ZNF280C: variants seen among roughly 807,000 people sequenced by gnomAD.
ZNF280C encodes the protein suppressor of hairy wing homolog 3.
ZNF280C carries 14 observed loss-of-function variants against 53.6 expected under a neutral mutation model. The ratio of observed to expected loss-of-function variants is 0.26; its 90% CI spans 0.17 to 0.41. The LOEUF (loss-of-function observed/expected upper bound fraction) is 0.41. Among genes scored for constraint, ZNF280C ranks in the 10% least tolerant of loss-of-function variants. ZNF280C has a pLI of 1.00. For synonymous variants in ZNF280C, 203 were observed against 181.1 expected (o/e 1.12, Z -0.97); for missense variants, 416 against 547.1 (o/e 0.76, Z 2.39).
At chrX:130,225,334 T>C (rs1393582115) in intron 12 of ZNF280C, among the ~76,000 whole-genome samples, 2 of 110,628 alleles carry the variant, frequency 1.8e-5, no homozygotes, top group African/African-American at 6.6e-5. Flanking sequence ...CCACCAAGAA[T>C]AGTGTTTCCC....
chrX:130,252,647 G>A (rs2032527119), intron 2 of ZNF280C, among the ~76,000 whole-genome samples: 1 of 110,229 alleles, frequency 9.1e-6, no homozygotes, highest in South Asian at 3.9e-4. Flanking sequence ...TTGAACCCAG[G>A]AGGCGGAGGT....
intron 6 of ZNF280C, 56 bp from the exon 7 acceptor site, chrX:130,236,695 TGCTTATG>T: frequency 1.1e-6 from 1 of 896,672 alleles, no homozygotes; most frequent in Non-Finnish European, 1.5e-6. Flanking sequence ...TATGGAATAT[TGCTTATG>T]TAAAACTGCT....
intron 2 of ZNF280C, among the ~76,000 whole-genome samples, chrX:130,254,178 T>C: frequency 8.9e-6 from 1 of 112,027 alleles, no homozygotes; most frequent in Middle Eastern, 4.6e-3. Flanking sequence ...TCACTGATCA[T>C]TAGAGAAATG....
chrX:130,227,112 A>C (rs1209303155), intron 11 of ZNF280C, among the ~76,000 whole-genome samples: 4 of 111,508 alleles, frequency 3.6e-5, no homozygotes, highest in Non-Finnish European at 7.5e-5. Flanking sequence ...ATATTCCAAA[A>C]CACAGTAAGA....
intron 15 of ZNF280C, 71 bp from the exon 16 acceptor site, chrX:130,209,786 A>AT: frequency 1.2e-6 from 1 of 847,424 alleles, no homozygotes; most frequent in East Asian, 3.2e-5. Context: ...TTCTGACCAC[A>AT]TTTCAAGCCA....
Position 130,232,345 on chromosome X carries a change from G to C in ZNF280C, c.772-1618C>G, listed in dbSNP as rs1457377146. ...CATATATAAGCCTTTTTTATCCAAT[G>C]AGATGAAACTAATTTATTTATTGTA... On this transcript the variant is annotated intron_variant, in intron 8 of 18. Coordinates refer to ENST00000370978, the MANE Select transcript of ZNF280C (RefSeq NM_017666.5). 2.8e-5 allele frequency among the ~76,000 whole-genome samples: 3 copies of C among 107,213 alleles called. 1 individual carries two copies. In the Middle Eastern group the frequency reaches 0.013, roughly 456 times the overall value. The allele number at this position is 107,213 out of a possible 115,157, so 93.1% of individuals were successfully genotyped here. A position where few individuals can be genotyped will look rare whatever the true frequency, so the allele number is the denominator to read the frequency against.
At chrX:130,266,007 C>T (rs2032684584) in intron 1 of ZNF280C, among the ~76,000 whole-genome samples, 1 of 111,734 alleles carries the variant, frequency 8.9e-6, no homozygotes, top group Non-Finnish European at 1.9e-5. Context: ...CCCCAATGAG[C>T]TTTATGTTTA....
At chrX:130,235,441 G>A (rs1430053230) in intron 8 of ZNF280C, among the ~76,000 whole-genome samples, 1 of 112,219 alleles carries the variant, frequency 8.9e-6, no homozygotes, top group Non-Finnish European at 1.9e-5. Flanking sequence ...CTGAACTGGA[G>A]AGGCAAATGT....
At chrX:130,252,039 A>C (rs1480135900) in intron 2 of ZNF280C, among the ~76,000 whole-genome samples, 1 of 111,689 alleles carries the variant, frequency 9.0e-6, no homozygotes. Flanking sequence ...GCTTGAACCC[A>C]GGAGGTGGAG....
At chrX:130,229,168 A>T (rs759976787) in intron 9 of ZNF280C, 34 bp from the exon 10 acceptor site, 12 of 1,156,121 alleles carry the variant, frequency 1.0e-5, no homozygotes, top group Non-Finnish European at 1.4e-5. Context: ...GCAAAAATTC[A>T]GACTTATAAC....
At chrX:130,212,473 G>A (rs209229) in intron 15 of ZNF280C, among the ~76,000 whole-genome samples, 55,107 of 109,598 alleles carry the variant, frequency 0.5, 10,810 homozygotes, top group African/African-American at 0.72. Flanking sequence ...AAGTTGAGAA[G>A]AGTTCCAAAA....
chrX:130,237,714 CTT>C (rs1293953544), intron 6 of ZNF280C, among the ~76,000 whole-genome samples: 1 of 111,375 alleles, frequency 9.0e-6, no homozygotes, highest in Non-Finnish European at 1.9e-5. Flanking sequence ...GTGTTTCATT[CTT>C]TGAGATAAAA....
Position 130,243,763 on chromosome X carries a change from T to G in ZNF280C, c.244+37A>C, listed in dbSNP as rs750742293. On this transcript the variant is annotated intron_variant, in intron 4 of 18. Transcript: ENST00000370978. ...TATACAACCAATTATATCAAAATAT[T>G]TAACTTTAAAATTGAAATACTACAG... 6.0e-6 allele frequency: 7 copies of G among 1,172,206 alleles called. No individual in the cohort carries two copies. The East Asian group carries it at 1.9e-4, about 31-fold the overall frequency.
chrX:130,229,226 G>A, intron 9 of ZNF280C, 92 bp from the exon 10 acceptor site: 1 of 884,403 alleles, frequency 1.1e-6, no homozygotes, highest in Non-Finnish European at 1.6e-6. Context: ...TTTTTAAAAT[G>A]TAATTCTATG....
Position 130,204,704 on chromosome X carries a change from GCAAGT to G in ZNF280C, c.*268_*272del. 1 of 262,078 alleles carries G rather than the reference GCAAGT, an allele frequency of 3.8e-6. No homozygotes were observed. The highest frequency in any genetic ancestry group is 6.7e-6 in the Non-Finnish European group (1 of 149,932). The allele number at this position is 262,078 out of a possible 1,213,427, so 21.6% of individuals were successfully genotyped here. On this transcript the variant is annotated 3_prime_UTR_variant, in exon 19 of 19. Transcript: ENST00000370978. ...TTATCTGGAATGTAATATTCTGAAG[GCAAGT>G]CAAGTATAGCAGAGAAAAACAAAAG...
At chrX:130,223,577 G>A (rs1453200909) in intron 12 of ZNF280C, among the ~76,000 whole-genome samples, 1 of 111,952 alleles carries the variant, frequency 8.9e-6, no homozygotes, top group East Asian at 2.8e-4. Flanking sequence ...GGGTGGCTGT[G>A]AAGATTAAAC....
Position 130,215,386 on chromosome X carries a change from G to A in ZNF280C, c.1839-53C>T, listed in dbSNP as rs772211466. ...AAGAGATTATAAAACAAAAATAACA[G>A]GGGAAAATCTTATTAACATTTTATT... On this transcript the variant is annotated intron_variant, in intron 14 of 18. Transcript: ENST00000370978. 7.6e-6 allele frequency: 8 copies of A among 1,047,885 alleles called. No individual in the cohort carries two copies. The African/African-American group carries it at 1.2e-4, about 15-fold the overall frequency. 86.4% of individuals were successfully genotyped at this position (1,047,885 alleles called of 1,213,427 possible). A position where few individuals can be genotyped will look rare whatever the true frequency, so the allele number is the denominator to read the frequency against.
In ZNF280C at chrX:130,212,263, G is replaced by A. The variant is rs73558232; in HGVS notation, c.1980-2548C>T. On this transcript the variant is annotated intron_variant, in intron 15 of 18. Coordinates refer to ENST00000370978, the MANE Select transcript of ZNF280C (RefSeq NM_017666.5). ...TTTGAATCCTAGTTAGAAACAAACA[G>A]TTGGGTCTCAGGGAAACTCGGCTTT... Among the ~76,000 whole-genome samples the A allele has an allele frequency of 5.0e-3, 563 of 112,115 alleles. 3 individuals are homozygous for A. Among genetic ancestry groups the A allele is most frequent in the African/African-American group, 0.017 (533 of 30,812 alleles).
chrX:130,258,096 C>A (rs1365142963), intron 2 of ZNF280C, among the ~76,000 whole-genome samples: 4 of 110,796 alleles, frequency 3.6e-5, no homozygotes, highest in Non-Finnish European at 7.6e-5. Flanking sequence ...CCAGTCTGGG[C>A]CACAGTGCTA....
Sources: allele counts gnomAD v4.1 joint callset (sites outside exome capture counted in the v4.1 genomes callset), GRCh38; gene constraint gnomAD v4.1.1; transcripts MANE v1.5; gene names NCBI Gene and HGNC (gene_info 2026-07-23, HGNC 2026-07-21).